SPTBN4: variants seen among roughly 807,000 people sequenced by gnomAD.
SPTBN4 encodes the protein spectrin beta chain, non-erythrocytic 4.
SPTBN4 carries 96 observed loss-of-function variants against 277.8 expected under a neutral mutation model. The observed-to-expected ratio is 0.35, with a 90% CI of 0.29 to 0.41. The LOEUF is 0.41. SPTBN4 is among the 10% of genes least tolerant of loss of function. The pLI is 1.00. For missense variants in SPTBN4, 3,006 were observed against 3,595.7 expected (o/e 0.84, Z 4.19); for synonymous variants, 1,481 against 1,580.3 (o/e 0.94, Z 1.49).
Position 40,504,151 on chromosome 19 carries a change from GGATGC to G in SPTBN4, c.1665+21_1665+25del. Reference sequence around the variant, plus strand: ...GATGCAGGTGCCGGCGGGGGGGCGGGGATGCGGGTGGAGTGCCAGGAGGGAGGGGA... The same window carrying G: ...GATGCAGGTGCCGGCGGGGGGGCGGGGGGTGGAGTGCCAGGAGGGAGGGGA... On this transcript the variant is annotated intron_variant, in intron 12 of 35. Transcript: ENST00000598249. 9.3e-6 allele frequency: 9 copies of G among 969,648 alleles called. No homozygotes were observed. Among genetic ancestry groups the G allele is most frequent in the Middle Eastern group, 2.6e-4 (1 of 3,908 alleles). 60.1% of individuals were successfully genotyped at this position (969,648 alleles called of 1,614,324 possible). A position where few individuals can be genotyped will look rare whatever the true frequency, so the allele number is the denominator to read the frequency against.
At chr19:40,527,321 T>C (rs1318162679) in intron 17 of SPTBN4, among the ~76,000 whole-genome samples, 1 of 152,204 alleles carries the variant, frequency 6.6e-6, no homozygotes, top group Non-Finnish European at 1.5e-5. Context: ...TTTCTTGCAT[T>C]CATTCATTTA....
In SPTBN4 at chr19:40,480,251, C is replaced by CAA. The variant is rs34559298; in HGVS notation, c.170-7428_170-7427dup. On this transcript the variant is annotated intron_variant, in intron 2 of 35. Transcript: ENST00000598249. Reference sequence around the variant, plus strand: ...GGGTTAACAGAGAGAGACTCCGTCTCAAAAAAAAAAAAAAAAAAATTAGCT... The same window carrying CAA: ...GGGTTAACAGAGAGAGACTCCGTCTCAAAAAAAAAAAAAAAAAAAAATTAGCT... Among the ~76,000 whole-genome samples, 879 of 93,630 alleles carry CAA rather than the reference C, an allele frequency of 9.4e-3. 16 individuals carry two copies. Among genetic ancestry groups the CAA allele is most frequent in the African/African-American group, 0.027 (746 of 27,728 alleles). 61.4% of individuals were successfully genotyped at this position (93,630 alleles called of 152,430 possible).
chr19:40,556,901 C>A, intron 25 of SPTBN4, 122 bp from the exon 26 acceptor site: 2 of 1,304,436 alleles, frequency 1.5e-6, no homozygotes, highest in Non-Finnish European at 2.0e-6. Context: ...GCACGCCAAC[C>A]TGGGCGACAG....
chr19:40,536,774 C>T (rs1238790580), intron 20 of SPTBN4, among the ~76,000 whole-genome samples: 1 of 152,126 alleles, frequency 6.6e-6, no homozygotes, highest in African/African-American at 2.4e-5. Flanking sequence ...GGAGCAACAG[C>T]CTGTCTCTAT....
intron 4 of SPTBN4, among the ~76,000 whole-genome samples, chr19:40,492,181 G>C (rs963847153): frequency 2.0e-5 from 3 of 152,140 alleles, no homozygotes; most frequent in Non-Finnish European, 2.9e-5. Context: ...AAGACACTCA[G>C]GGAGTGGAGT....
chr19:40,573,695 C>T (rs1353586174), intron 35 of SPTBN4, among the ~76,000 whole-genome samples: 2 of 151,770 alleles, frequency 1.3e-5, no homozygotes, highest in Non-Finnish European at 2.9e-5. Context: ...CCCAGCTACT[C>T]GGGAGGCTGA....
Position 40,560,983 on chromosome 19 carries a change from C to T in SPTBN4, c.5915+580C>T, listed in dbSNP as rs556387475. 6.6e-5 allele frequency among the ~76,000 whole-genome samples: 10 copies of T among 152,080 alleles called. No individual in the cohort carries two copies. The highest frequency in any genetic ancestry group is 1.9e-4 in the African/African-American group (8 of 41,408). On this transcript the variant is annotated intron_variant, in intron 27 of 35. Coordinates refer to ENST00000598249, the MANE Select transcript of SPTBN4 (RefSeq NM_020971.3). The surrounding 1 kb of genome is among the most constrained non-coding windows in gnomAD (Gnocchi z 5.2). ...AGCCGGCACCCACACACTGCCAGCC[C>T]GGTGGCCTAACCTGTCTGCCAGGGA...
chr19:40,538,038 G>A (rs887615225), intron 20 of SPTBN4, among the ~76,000 whole-genome samples: 3 of 152,228 alleles, frequency 2.0e-5, no homozygotes, highest in Non-Finnish European at 4.4e-5. Flanking sequence ...AGAAGGAAAA[G>A]TTATTGGAAC....
intron 20 of SPTBN4, among the ~76,000 whole-genome samples, chr19:40,542,212 A>AC (rs1406612115): frequency 6.6e-6 from 1 of 151,760 alleles, no homozygotes; most frequent in East Asian, 1.9e-4. Context: ...ATGAGCCACC[A>AC]CCCCAGTCTC....
chr19:40,496,877 A>G (rs531882493), intron 6 of SPTBN4, among the ~76,000 whole-genome samples: 70 of 151,930 alleles, frequency 4.6e-4, no homozygotes, highest in African/African-American at 1.6e-3. Context: ...GTTCGAGACC[A>G]GCCTGGCCAA....
chr19:40,533,054 C>T (rs948522648), intron 19 of SPTBN4, among the ~76,000 whole-genome samples: 20 of 152,120 alleles, frequency 1.3e-4, no homozygotes, highest in African/African-American at 4.6e-4. Flanking sequence ...CCTCCTCTAC[C>T]AGGTTCCTTC....
At chr19:40,489,239 A>AGAAAG (rs377693651) in intron 3 of SPTBN4, among the ~76,000 whole-genome samples, 1 of 151,474 alleles carries the variant, frequency 6.6e-6, no homozygotes, top group African/African-American at 2.4e-5. Flanking sequence ...AAAGAAAGAA[A>AGAAAG]AAAAAGAATA....
chr19:40,498,368 TTTTATTTTATTTATTTATTTATTTA>T (rs1286005250), intron 7 of SPTBN4, among the ~76,000 whole-genome samples: 2 of 146,736 alleles, frequency 1.4e-5, no homozygotes, highest in East Asian at 4.0e-4. Context: ...CCCTGTTTTA[TTTTATTTTATTTATTTATTTATTTA>T]TTTATTTATT....
intron 13 of SPTBN4, among the ~76,000 whole-genome samples, chr19:40,506,835 A>G (rs1210830919): frequency 1.3e-5 from 2 of 151,864 alleles, no homozygotes; most frequent in African/African-American, 4.8e-5. Flanking sequence ...AAATAAATAA[A>G]TTAGCCAGGC....
At position 40,512,676 on chromosome 19, in the gene SPTBN4, G is replaced by T. The variant is rs990838527; in HGVS notation, c.1887G>T (p.Leu629=). The T allele has an allele frequency of 2.0e-6, 3 of 1,531,648 alleles. No individual in the cohort carries two copies. In the African/African-American group the frequency reaches 4.2e-5, roughly 21 times the overall value. The allele number at this position is 1,531,648 out of a possible 1,614,324, so 94.9% of individuals were successfully genotyped here. Residue 629 remains leucine, a synonymous_variant, in exon 14 of 36, where the codon CTG becomes CTT. Coordinates refer to ENST00000598249, the MANE Select transcript of SPTBN4 (RefSeq NM_020971.3). ...VNHVHGCLAE[L]QEQAARRRAE... is the part of the protein sequence containing the mutation. ...ACGTGCACGGCTGCCTGGCGGAGCT[G>T]CAGGAGCAGGCAGCGCGGCGACGCG...
intron 25 of SPTBN4, among the ~76,000 whole-genome samples, chr19:40,556,752 C>T (rs864580): frequency 0.44 from 67,194 of 151,656 alleles, 15,694 homozygotes; most frequent in African/African-American, 0.5. Context: ...ATAGTGAAAC[C>T]CCGTCTCTAC....
At chr19:40,468,156 C>T (rs1031134170) in intron 1 of SPTBN4, among the ~76,000 whole-genome samples, 1 of 151,704 alleles carries the variant, frequency 6.6e-6, no homozygotes, top group African/African-American at 2.4e-5. Context: ...TGGCTCACTG[C>T]AACCTCTGCC....
chr19:40,505,700 G>GAGGAAGGAAGGAAGGAAGGAAGGA (rs369584973), intron 12 of SPTBN4, among the ~76,000 whole-genome samples: 73 of 116,592 alleles, frequency 6.3e-4, no homozygotes, highest in East Asian at 2.4e-3. Context: ...GAATGAAAGG[G>GAGGAAGGAAGGAAGGAAGGAAGGA]AGGAAGGAAG....
chr19:40,523,710 G>A lies in SPTBN4; in HGVS notation c.3857+71G>A. The A allele has an allele frequency of 5.6e-6, 8 of 1,433,808 alleles. No individual in the cohort carries two copies. Among genetic ancestry groups the A allele is most frequent in the Non-Finnish European group, 7.6e-6 (8 of 1,058,794 alleles). 88.8% of individuals were successfully genotyped at this position (1,433,808 alleles called of 1,614,324 possible). On this transcript the variant is annotated intron_variant, in intron 17 of 35. Transcript: ENST00000598249. The stretch of plus-strand genomic sequence containing the variant: ...GGGCCCAGCATAGGGGAGTGGTGTG[G>A]GAGGCCAGGGTCCCACTCCTTTCAT...
Sources: allele counts gnomAD v4.1 joint callset (sites outside exome capture counted in the v4.1 genomes callset), GRCh38; gene constraint gnomAD v4.1.1; non-coding constraint Gnocchi (gnomAD v3.1); transcripts MANE v1.5; gene names NCBI Gene and HGNC (gene_info 2026-07-23, HGNC 2026-07-21).